GARIN1A: variants seen among roughly 807,000 people sequenced by gnomAD.
GARIN1A encodes the protein golgi associated RAB2 interactor 1A.
the GARIN1A span, among the ~76,000 whole-genome samples, chr7:128,696,947 A>G: frequency 4.6e-5 from 7 of 152,206 alleles, no homozygotes; most frequent in Admixed American, 1.3e-4. Context: ...ATTTTAATAT[A>G]CACAGAATTT....
the GARIN1A span, among the ~76,000 whole-genome samples, chr7:128,702,083 G>A: frequency 1.3e-5 from 2 of 152,034 alleles, no homozygotes; most frequent in African/African-American, 2.4e-5. Context: ...CAATACAAAA[G>A]AGGTAAAAAA....
the GARIN1A span, among the ~76,000 whole-genome samples, chr7:128,698,422 C>CCAT: frequency 6.6e-6 from 1 of 152,200 alleles, no homozygotes; most frequent in African/African-American, 2.4e-5. Flanking sequence ...CCCAGCCATG[C>CCAT]CATCACCCAC....
chr7:128,689,572 A>G, the GARIN1A span, among the ~76,000 whole-genome samples: 24 of 99,738 alleles, frequency 2.4e-4, no homozygotes, highest in Admixed American at 3.8e-4. Context: ...GCCCCGTCTG[A>G]GAAGTGAGGA....
chr7:128,672,657 G>C, the GARIN1A span: 2 of 378,258 alleles, frequency 5.3e-6, no homozygotes, highest in Non-Finnish European at 4.6e-6. Flanking sequence ...GGAGGGGGGG[G>C]CGGGGGGACA....
chr7:128,701,974 A>G, the GARIN1A span, among the ~76,000 whole-genome samples: 2 of 152,242 alleles, frequency 1.3e-5, no homozygotes, highest in African/African-American at 4.8e-5. Context: ...ACAGAAGCCA[A>G]AAGAAAATGG....
chr7:128,707,474 C>G, the GARIN1A span, among the ~76,000 whole-genome samples: 1 of 152,082 alleles, frequency 6.6e-6, no homozygotes, highest in Non-Finnish European at 1.5e-5. Context: ...TGACTAATTT[C>G]TTTTCTTTGA....
At chr7:128,700,569 G>A in the GARIN1A span, among the ~76,000 whole-genome samples, 12 of 152,164 alleles carry the variant, frequency 7.9e-5, no homozygotes, top group South Asian at 2.1e-3. Flanking sequence ...AGTGAGCCAC[G>A]GTGCCCGGCC....
At chr7:128,689,054 C>T in the GARIN1A span, among the ~76,000 whole-genome samples, 1 of 151,974 alleles carries the variant, frequency 6.6e-6, no homozygotes. Flanking sequence ...CCGCCAGCCT[C>T]AGCCTCCCGA....
At chr7:128,671,963 T>C in the GARIN1A span, among the ~76,000 whole-genome samples, 1 of 152,164 alleles carries the variant, frequency 6.6e-6, no homozygotes, top group African/African-American at 2.4e-5. Context: ...GGTGAGGGGC[T>C]TCAAGGGGAG....
the GARIN1A span, among the ~76,000 whole-genome samples, chr7:128,673,070 C>A: frequency 6.6e-6 from 1 of 152,108 alleles, no homozygotes; most frequent in Non-Finnish European, 1.5e-5. Context: ...GGAAGGTGGT[C>A]GTTTTCGTAA....
chr7:128,676,016 TA>T, the GARIN1A span, among the ~76,000 whole-genome samples: 1 of 129,206 alleles, frequency 7.7e-6, no homozygotes, highest in African/African-American at 2.9e-5. Context: ...ATTTATTTAG[TA>T]TCTTTTTTTT....
the GARIN1A span, chr7:128,672,402 G>A: frequency 1.9e-6 from 3 of 1,606,618 alleles, no homozygotes; most frequent in African/African-American, 2.7e-5. Context: ...GAACCAATGA[G>A]TAAAATCAGG....
chr7:128,701,645 G>GTGACTAAGGA, the GARIN1A span, among the ~76,000 whole-genome samples: 1 of 152,000 alleles, frequency 6.6e-6, no homozygotes, highest in Non-Finnish European at 1.5e-5. Context: ...TGCAGAGCAG[G>GTGACTAAGGA]TGACTAAGGA....
the GARIN1A span, among the ~76,000 whole-genome samples, chr7:128,676,704 A>G: frequency 6.6e-6 from 1 of 151,888 alleles, no homozygotes; most frequent in Admixed American, 6.6e-5. Context: ...TATACAGGAG[A>G]CAGCTATCCT....
chr7:128,672,845 C>T, the GARIN1A span, among the ~76,000 whole-genome samples: 1 of 152,198 alleles, frequency 6.6e-6, no homozygotes, highest in Non-Finnish European at 1.5e-5. Flanking sequence ...CCTTTCTGGG[C>T]CACTTGTCCA....
the GARIN1A span, among the ~76,000 whole-genome samples, chr7:128,707,214 GTA>G: frequency 1.6e-5 from 1 of 63,982 alleles, no homozygotes; most frequent in Non-Finnish European, 3.1e-5. Flanking sequence ...ATTATTGTGT[GTA>G]TGTATGTGTG....
the GARIN1A span, among the ~76,000 whole-genome samples, chr7:128,708,219 T>A: frequency 2.7e-5 from 4 of 148,454 alleles, no homozygotes; most frequent in Non-Finnish European, 5.9e-5. Context: ...TAGAGACAAG[T>A]TCTCACTATG....
chr7:128,673,413 C>T, the GARIN1A span, among the ~76,000 whole-genome samples: 2 of 152,160 alleles, frequency 1.3e-5, no homozygotes, highest in African/African-American at 4.8e-5. Flanking sequence ...AGAAGGCTTT[C>T]CAGAAGGGTC....
At chr7:128,679,168 G>A in the GARIN1A span, among the ~76,000 whole-genome samples, 2 of 150,756 alleles carry the variant, frequency 1.3e-5, no homozygotes, top group East Asian at 1.9e-4. Context: ...TGGCAATCTT[G>A]TGTTTCTCTA....
Sources: allele counts gnomAD v4.1 joint callset (sites outside exome capture counted in the v4.1 genomes callset), GRCh38; gene constraint gnomAD v4.1.1; transcripts MANE v1.5; gene names NCBI Gene and HGNC (gene_info 2026-07-23, HGNC 2026-07-21).